The following WDFY2 variants were observed in gnomAD, a reference collection of about 807,000 sequenced individuals.
WDFY2 encodes WD repeat and FYVE domain-containing protein 2.
In WDFY2, 36 loss-of-function variants were observed where a neutral mutation model predicts 56.4. The ratio of observed to expected loss-of-function variants is 0.64; its 90% CI spans 0.49 to 0.84. The LOEUF is 0.84. WDFY2 is among the 40% of genes least tolerant of loss of function. The probability of loss-of-function intolerance (pLI) is 0.00; values close to 1 mark genes in which losing one functional copy is unlikely to be tolerated. For missense variants in WDFY2, 444 were observed against 512.2 expected (o/e 0.87, Z 1.29); for synonymous variants, 176 against 183.7 (o/e 0.96, Z 0.34).
chr13:51,585,234 G>C (rs1050655997), intron 1 of WDFY2, among the ~76,000 whole-genome samples: 2 of 152,220 alleles, frequency 1.3e-5, no homozygotes, highest in African/African-American at 4.8e-5. Context: ...GGGTACTCTC[G>C]TACAGCTCCC....
intron 1 of WDFY2, among the ~76,000 whole-genome samples, chr13:51,634,867 G>A (rs1955016030): frequency 6.6e-6 from 1 of 152,174 alleles, no homozygotes. Context: ...CAGAGTTGGA[G>A]TAGAGGGAAG....
At chr13:51,700,210 A>C (rs1050222647) in intron 3 of WDFY2, among the ~76,000 whole-genome samples, 1 of 152,214 alleles carries the variant, frequency 6.6e-6, no homozygotes, top group African/African-American at 2.4e-5. Context: ...ATTGAAGGTG[A>C]AGACAGTTGT....
At chr13:51,651,873 T>C (rs946847718) in intron 1 of WDFY2, among the ~76,000 whole-genome samples, 1 of 152,210 alleles carries the variant, frequency 6.6e-6, no homozygotes, top group Non-Finnish European at 1.5e-5. Context: ...GAATGTATAT[T>C]CTGTTGATTT....
intron 4 of WDFY2, among the ~76,000 whole-genome samples, chr13:51,711,442 A>G (rs1952213903): frequency 6.6e-6 from 1 of 152,232 alleles, no homozygotes; most frequent in Non-Finnish European, 1.5e-5. Flanking sequence ...GACAAATGGG[A>G]TCTAATTAAA....
At chr13:51,586,921 A>G (rs905582138) in intron 1 of WDFY2, 32 of 152,102 alleles carry the variant, frequency 2.1e-4, no homozygotes, top group African/African-American at 7.5e-4. Context: ...TTTAGAGCTC[A>G]GTTTTGGTTA....
chr13:51,722,525 A>G (rs1952513872), intron 5 of WDFY2, among the ~76,000 whole-genome samples: 1 of 152,162 alleles, frequency 6.6e-6, no homozygotes. Flanking sequence ...AAAAAATCTC[A>G]GATTTGCAGG....
chr13:51,713,308 G>T (rs141523050), intron 4 of WDFY2, among the ~76,000 whole-genome samples: 1 of 152,306 alleles, frequency 6.6e-6, no homozygotes, highest in East Asian at 1.9e-4. Flanking sequence ...GTAATACAGT[G>T]TCGGATTAAC....
intron 1 of WDFY2, among the ~76,000 whole-genome samples, chr13:51,625,819 G>A (rs1344561909): frequency 8.5e-5 from 13 of 152,230 alleles, no homozygotes; most frequent in Non-Finnish European, 1.9e-4. Flanking sequence ...CCAGGACTTC[G>A]AAAAGGAAGC....
intron 10 of WDFY2, among the ~76,000 whole-genome samples, chr13:51,757,823 T>C (rs369444805): frequency 6.0e-5 from 9 of 149,356 alleles, no homozygotes; most frequent in African/African-American, 2.3e-4. Context: ...CACTTAGTAC[T>C]ATCTTGGTCC....
At chr13:51,692,326 A>G (rs1003725180) in intron 3 of WDFY2, among the ~76,000 whole-genome samples, 4 of 152,224 alleles carry the variant, frequency 2.6e-5, no homozygotes, top group East Asian at 1.9e-4. Flanking sequence ...TATTGGCTGT[A>G]GGTTTGTCAT....
chr13:51,684,385 A>G (rs1261720165), intron 3 of WDFY2, among the ~76,000 whole-genome samples: 1 of 145,334 alleles, frequency 6.9e-6, no homozygotes, highest in Non-Finnish European at 1.5e-5. Flanking sequence ...TTTTTTTTTT[A>G]AGTTTAGTAA....
chr13:51,759,660 T>C, intron 11 of WDFY2, 80 bp from the exon 12 acceptor site: 1 of 1,403,892 alleles, frequency 7.1e-7, no homozygotes, highest in Non-Finnish European at 1.0e-6. Flanking sequence ...GAAAAAAATT[T>C]CCTTGAAGAA....
intron 5 of WDFY2, among the ~76,000 whole-genome samples, chr13:51,724,274 G>A (rs1593452067): frequency 2.9e-5 from 3 of 103,436 alleles, no homozygotes; most frequent in Non-Finnish European, 1.8e-5. Context: ...TTTCACTCTT[G>A]CCATCCAGGC....
intron 2 of WDFY2, among the ~76,000 whole-genome samples, chr13:51,667,178 T>G (rs1955718857): frequency 6.6e-6 from 1 of 152,214 alleles, no homozygotes; most frequent in African/African-American, 2.4e-5. Flanking sequence ...AATATTACTG[T>G]CATTGCTGAT....
intron 6 of WDFY2, among the ~76,000 whole-genome samples, chr13:51,738,646 A>T (rs898751182): frequency 1.3e-5 from 2 of 152,308 alleles, no homozygotes; most frequent in Admixed American, 6.5e-5. Flanking sequence ...AATCTAATTG[A>T]GCATTTGTAA....
intron 3 of WDFY2, among the ~76,000 whole-genome samples, chr13:51,693,812 G>C (rs1300124186): frequency 6.6e-6 from 1 of 152,132 alleles, no homozygotes; most frequent in African/African-American, 2.4e-5. Context: ...TATTGTGTGG[G>C]AGTCTAAGTC....
intron 6 of WDFY2, among the ~76,000 whole-genome samples, chr13:51,731,678 G>C (rs757227326): frequency 6.6e-6 from 1 of 152,186 alleles, no homozygotes; most frequent in African/African-American, 2.4e-5. Flanking sequence ...TAGTAGGCTC[G>C]TTCTGGGCCC....
At chr13:51,660,784 A>G in intron 2 of WDFY2, 121 bp downstream of exon 2, 1 of 772,502 alleles carries the variant, frequency 1.3e-6, no homozygotes, top group Non-Finnish European at 2.1e-6. Flanking sequence ...GAAAAGTACC[A>G]TATTAAATCA....
At chr13:51,702,624 C>T (rs935842523) in intron 3 of WDFY2, among the ~76,000 whole-genome samples, 2 of 152,118 alleles carry the variant, frequency 1.3e-5, no homozygotes, top group Non-Finnish European at 2.9e-5. Flanking sequence ...TAAAAAATTA[C>T]ACAAACTGCT....
Sources: allele counts gnomAD v4.1 joint callset (sites outside exome capture counted in the v4.1 genomes callset), GRCh38; gene constraint gnomAD v4.1.1; transcripts MANE v1.5; gene names NCBI Gene and HGNC (gene_info 2026-07-23, HGNC 2026-07-21).